Variants in CLNK observed in about 807,000 individuals in gnomAD.
CLNK encodes the protein cytokine dependent hematopoietic cell linker.
Under a neutral mutation model 68.6 loss-of-function variants are expected in CLNK, and 74 were observed. The observed-to-expected ratio is 1.08, with a 90% CI of 0.89 to 1.31. The LOEUF (loss-of-function observed/expected upper bound fraction) is 1.31, where lower values mean the gene tolerates loss of function less well. CLNK is among the 50% of genes most tolerant of loss of function. The pLI, the probability that CLNK is intolerant of heterozygous loss-of-function variation, is 0.00. For synonymous variants in CLNK, 198 were observed against 172.2 expected (o/e 1.15, Z -1.17); for missense variants, 553 against 515.3 (o/e 1.07, Z -0.71).
chr4:10,679,211 A>G lies in CLNK; in HGVS notation c.-43+5457T>C, dbSNP rs34754767. The stretch of plus-strand genomic sequence containing the variant: ...GAACAGAGCCCTCAGAAATAATGCC[A>G]CATATCTACAACTATCTGATCTTTG... On this transcript the variant is annotated intron_variant, in intron 1 of 18. Transcript: ENST00000226951. 1.8e-3 allele frequency among the ~76,000 whole-genome samples: 274 copies of G among 152,300 alleles called. 1 individual carries two copies. The highest frequency in any genetic ancestry group is 6.3e-3 in the African/African-American group (260 of 41,562).
chr4:10,612,016 C>T (rs1402067066), intron 2 of CLNK, among the ~76,000 whole-genome samples: 1 of 152,160 alleles, frequency 6.6e-6, no homozygotes, highest in African/African-American at 2.4e-5. Context: ...AAACAGTAAA[C>T]GCTGCATGTC....
At chr4:10,587,376 G>A (rs768053610) in intron 3 of CLNK, among the ~76,000 whole-genome samples, 1 of 152,198 alleles carries the variant, frequency 6.6e-6, no homozygotes, top group Non-Finnish European at 1.5e-5. Context: ...CCCCGAGGCA[G>A]TGGAAGGCTC....
intron 5 of CLNK, among the ~76,000 whole-genome samples, chr4:10,569,173 T>C (rs1260577628): frequency 6.6e-6 from 1 of 150,702 alleles, no homozygotes; most frequent in Non-Finnish European, 1.5e-5. Context: ...CCCAAGTGAA[T>C]TGGCCAAGAC....
chr4:10,560,219 C>G (rs914523366), intron 7 of CLNK, among the ~76,000 whole-genome samples: 12 of 152,178 alleles, frequency 7.9e-5, no homozygotes, highest in African/African-American at 2.9e-4. Context: ...CCATCTGGGT[C>G]ACTGCCTCCT....
At chr4:10,506,406 C>T (rs1226911488) in intron 17 of CLNK, among the ~76,000 whole-genome samples, 4 of 152,130 alleles carry the variant, frequency 2.6e-5, no homozygotes, top group African/African-American at 9.7e-5. Context: ...CACCCAAACC[C>T]GTCCTGAACA....
At chr4:10,500,958 C>T (rs1381733835) in intron 18 of CLNK, among the ~76,000 whole-genome samples, 1 of 152,140 alleles carries the variant, frequency 6.6e-6, no homozygotes, top group Non-Finnish European at 1.5e-5. Flanking sequence ...AGGAATTTGG[C>T]ATTAGTGTAT....
intron 2 of CLNK, among the ~76,000 whole-genome samples, chr4:10,621,471 T>C (rs1722456432): frequency 6.6e-6 from 1 of 152,160 alleles, no homozygotes; most frequent in African/African-American, 2.4e-5. Flanking sequence ...CCAGTGGGTG[T>C]CCTTTGAGTC....
intron 7 of CLNK, 108 bp downstream of exon 7, chr4:10,564,554 AGCTTGACCT>A: frequency 1.4e-6 from 1 of 714,958 alleles, no homozygotes; most frequent in South Asian, 1.6e-5. Flanking sequence ...CACCTCAGTG[AGCTTGACCT>A]GCTCTTTCCC....
At chr4:10,630,847 T>C (rs1459555011) in intron 2 of CLNK, among the ~76,000 whole-genome samples, 1 of 152,188 alleles carries the variant, frequency 6.6e-6, no homozygotes, top group Non-Finnish European at 1.5e-5. Flanking sequence ...TCCATCTGCT[T>C]GTAGCAGGTA....
At chr4:10,571,943 C>G (rs1329373013) in intron 4 of CLNK, among the ~76,000 whole-genome samples, 165 bp from the exon 5 acceptor site, 4 of 152,188 alleles carry the variant, frequency 2.6e-5, no homozygotes, top group Non-Finnish European at 5.9e-5. Context: ...ATTTCCCATT[C>G]TACCTGTTGC....
At chr4:10,712,690 A>G in the CLNK span, among the ~76,000 whole-genome samples, 1,475 of 152,338 alleles carry the variant, frequency 9.7e-3, 8 homozygotes, top group East Asian at 0.057. Flanking sequence ...TGCTCACTTT[A>G]CTGCTCACAG....
At chr4:10,555,508 A>C (rs1209520944) in intron 8 of CLNK, among the ~76,000 whole-genome samples, 1 of 152,234 alleles carries the variant, frequency 6.6e-6, no homozygotes, top group Admixed American at 6.5e-5. Context: ...GCCTCCAAAT[A>C]AACTTTTACC....
At chr4:10,659,887 C>T (rs1724126929) in intron 2 of CLNK, among the ~76,000 whole-genome samples, 1 of 152,122 alleles carries the variant, frequency 6.6e-6, no homozygotes, top group African/African-American at 2.4e-5. Context: ...TACAATTTTA[C>T]TGTCAGGTGT....
chr4:10,618,074 C>G (rs531433535), intron 2 of CLNK, among the ~76,000 whole-genome samples: 1 of 152,076 alleles, frequency 6.6e-6, no homozygotes, highest in Admixed American at 6.5e-5. Flanking sequence ...GACTTACACA[C>G]GAACATTCTT....
At chr4:10,518,102 T>C (rs1452833421) in intron 15 of CLNK, among the ~76,000 whole-genome samples, 1 of 151,718 alleles carries the variant, frequency 6.6e-6, no homozygotes, top group Non-Finnish European at 1.5e-5. Context: ...GTCAAGGAAA[T>C]GAAGCCACAA....
At chr4:10,686,490 G>A (rs959333711), upstream of CLNK, among the ~76,000 whole-genome samples, 1 of 151,698 alleles carries the variant, frequency 6.6e-6, no homozygotes, top group African/African-American at 2.4e-5. Flanking sequence ...TGTCAGCCAG[G>A]TGCCTCTGTT....
intron 7 of CLNK, among the ~76,000 whole-genome samples, chr4:10,563,832 G>A (rs915421191): frequency 5.9e-5 from 9 of 152,254 alleles, no homozygotes; most frequent in African/African-American, 2.2e-4. Flanking sequence ...ACTTGAACCC[G>A]GGAGGTGGAG....
chr4:10,726,382 G>A, the CLNK span, among the ~76,000 whole-genome samples: 1 of 152,182 alleles, frequency 6.6e-6, no homozygotes, highest in South Asian at 2.1e-4. Flanking sequence ...GCCTCCCAAA[G>A]TGCTGGGATT....
intron 2 of CLNK, among the ~76,000 whole-genome samples, chr4:10,645,785 A>G (rs1723484249): frequency 6.6e-6 from 1 of 152,212 alleles, no homozygotes; most frequent in Admixed American, 6.5e-5. Context: ...TAGGGAAATT[A>G]GAGTTAACAA....
Sources: gnomAD v4.1 joint callset for allele counts (sites outside exome capture counted in the v4.1 genomes callset) on GRCh38, gnomAD v4.1.1 for gene constraint, MANE v1.5 for transcripts, NCBI Gene and HGNC (gene_info 2026-07-23, HGNC 2026-07-21) for gene names.